Variants in MCEE observed in about 807,000 individuals in gnomAD.
MCEE encodes methylmalonyl-CoA epimerase.
A neutral mutation model predicts 12.9 loss-of-function variants in MCEE; 6 were observed. The ratio of observed to expected loss-of-function variants is 0.47; its 90% CI spans 0.26 to 0.92. The LOEUF (loss-of-function observed/expected upper bound fraction) is 0.92, where lower values mean the gene tolerates loss of function less well. Among genes scored for constraint, MCEE ranks in the 40% least tolerant of loss-of-function variants. The probability of loss-of-function intolerance (pLI) is 0.16; values close to 1 mark genes in which losing one functional copy is unlikely to be tolerated. For missense variants in MCEE, 214 were observed against 212.1 expected (o/e 1.01, Z -0.05); for synonymous variants, 78 against 77.9 (o/e 1.00, Z -0.01).
At chr2:71,123,025 G>A (rs1207880096) in intron 2 of MCEE, among the ~76,000 whole-genome samples, 1 of 152,202 alleles carries the variant, frequency 6.6e-6, no homozygotes, top group Non-Finnish European at 1.5e-5. Context: ...GCACTTGGGT[G>A]TTTAAATTTC....
rs1673175204 is a variant in MCEE at position 71,124,443 on chromosome 2, T to C, written c.141A>G (p.Arg47=). ...GCACTGCTATGGCTACATGGTTGAG[T>C]CGACCCAGGTTCCACACAGAACCTG... ...QVTGSVWNLG[R]LNHVAIAVPD... The change falls in exon 2 of 3, where the codon CGA becomes CGG. Residue 47 remains arginine, a synonymous_variant. Coordinates refer to ENST00000244217, the MANE Select transcript of MCEE (RefSeq NM_032601.4). 1.9e-6 allele frequency: 3 copies of C among 1,613,996 alleles called. No individual in the cohort carries two copies. Among genetic ancestry groups the C allele is most frequent in the Non-Finnish European group, 8.5e-7 (1 of 1,180,034 alleles).
intron 2 of MCEE, among the ~76,000 whole-genome samples, chr2:71,111,362 A>G (rs1672881870): frequency 6.6e-6 from 1 of 152,058 alleles, no homozygotes; most frequent in African/African-American, 2.4e-5. Context: ...GACATTGTCA[A>G]TTTTATCTTA....
chr2:71,109,928 G>A lies in MCEE; in HGVS notation c.*42C>T. 1 of 1,604,574 alleles carries A rather than the reference G, an allele frequency of 6.2e-7. No individual in the cohort carries two copies. Among genetic ancestry groups the A allele is most frequent in the South Asian group, 1.1e-5 (1 of 90,836 alleles). Reference sequence around the variant, plus strand: ...TAGTACATTTTGATAGTATTTGATAGGCTTTTTCAGGTCAATTAATTTAGT... The same window carrying A: ...TAGTACATTTTGATAGTATTTGATAAGCTTTTTCAGGTCAATTAATTTAGT... On this transcript the variant is annotated 3_prime_UTR_variant, in exon 3 of 3. Transcript: ENST00000244217.
chr2:71,122,040 AGG>A lies in MCEE; in HGVS notation c.378+2164_378+2165del, dbSNP rs1673110276. 2.0e-5 allele frequency among the ~76,000 whole-genome samples: 3 copies of A among 152,222 alleles called. No individual in the cohort carries two copies. In the South Asian group the frequency reaches 6.2e-4, roughly 31 times the overall value. The stretch of plus-strand genomic sequence containing the variant: ...TCCTTTCCTGTCAAATGGGGATAAT[AGG>A]GCCCTCACAGGGTAGCTATGAAAAT... On this transcript the variant is annotated intron_variant, in intron 2 of 2. Transcript: ENST00000244217.
chr2:71,115,408 A>AGGGTGAGAGACGGAGTCTTGCTCTGTTGC (rs1558744003), intron 2 of MCEE, among the ~76,000 whole-genome samples: 5 of 151,108 alleles, frequency 3.3e-5, no homozygotes, highest in African/African-American at 1.2e-4. Flanking sequence ...TGTCTAAATG[A>AGGGTGAGAGACGGAGTCTTGCTCTGTTGC]CATTGCACTA....
chr2:71,125,079 T>C (rs1225206115), intron 1 of MCEE, among the ~76,000 whole-genome samples: 1 of 149,924 alleles, frequency 6.7e-6, no homozygotes. Flanking sequence ...CTCTGCCTCC[T>C]GGGTTCAAGT....
intron 1 of MCEE, among the ~76,000 whole-genome samples, chr2:71,127,092 A>G (rs1324150179): frequency 2.0e-5 from 3 of 152,242 alleles, no homozygotes; most frequent in African/African-American, 7.2e-5. Flanking sequence ...ATAAATGCAT[A>G]AGATATTTAA....
At chr2:71,111,287 C>CT (rs1672880053) in intron 2 of MCEE, among the ~76,000 whole-genome samples, 1 of 152,154 alleles carries the variant, frequency 6.6e-6, no homozygotes, top group Non-Finnish European at 1.5e-5. Flanking sequence ...AGAACATGCA[C>CT]TAGAAGCTCG....
At position 71,124,434 on chromosome 2, in the gene MCEE, A is replaced by G. The variant is rs898781563; in HGVS notation, c.150T>C (p.His50=). Residue 50 remains histidine (H), a synonymous_variant, in exon 2 of 3, where the codon CAT becomes CAC. Transcript: ENST00000244217. The part of the protein sequence containing the change: ...GSVWNLGRLN[H]VAIAVPDLEK... Reference sequence around the variant, plus strand: ...CCAAATCTGGCACTGCTATGGCTACATGGTTGAGTCGACCCAGGTTCCACA... The same window carrying G: ...CCAAATCTGGCACTGCTATGGCTACGTGGTTGAGTCGACCCAGGTTCCACA... 6.2e-7 allele frequency: 1 copy of G among 1,614,180 alleles called. No homozygotes were observed. Among genetic ancestry groups the G allele is most frequent in the East Asian group, 2.2e-5 (1 of 44,884 alleles).
chr2:71,119,152 G>A (rs1673051648), intron 2 of MCEE, among the ~76,000 whole-genome samples: 1 of 150,428 alleles, frequency 6.6e-6, no homozygotes, highest in African/African-American at 2.5e-5. Flanking sequence ...TAAGTAGAAA[G>A]AAATACAGTC....
chr2:71,121,247 G>C (rs754254236), intron 2 of MCEE, among the ~76,000 whole-genome samples: 19 of 152,130 alleles, frequency 1.2e-4, no homozygotes, highest in Non-Finnish European at 1.5e-4. Flanking sequence ...TGATCCTAGA[G>C]CATCTCCTTA....
At chr2:71,125,207 A>ATTTTTT (rs1217307224) in intron 1 of MCEE, among the ~76,000 whole-genome samples, 604 of 46,442 alleles carry the variant, frequency 0.013, 10 homozygotes, top group Non-Finnish European at 0.026. Context: ...ATATATATAT[A>ATTTTTT]TATATTTTTT....
At chr2:71,115,219 C>T (rs991932674) in intron 2 of MCEE, among the ~76,000 whole-genome samples, 5 of 152,086 alleles carry the variant, frequency 3.3e-5, no homozygotes, top group Non-Finnish European at 5.9e-5. Flanking sequence ...AGTGAAGCCC[C>T]ATCTCTATAA....
intron 2 of MCEE, 82 bp from the exon 3 acceptor site, chr2:71,110,204 T>G: frequency 1.7e-6 from 2 of 1,191,390 alleles, no homozygotes; most frequent in East Asian, 4.8e-5. Context: ...GAAAAAACTT[T>G]GAGAGCTCAT....
rs570507775 is a variant in MCEE at position 71,115,971 on chromosome 2, AG to A, written c.379-5850del. ...AGAACTTAAAGTATTAATTTAAAAA[AG>A]GGGGGGGTTATGGTTTTTTAAAACT... On this transcript the variant is annotated intron_variant, in intron 2 of 2. Coordinates refer to ENST00000244217, the MANE Select transcript of MCEE (RefSeq NM_032601.4). 9.4e-5 allele frequency among the ~76,000 whole-genome samples: 14 copies of A among 149,640 alleles called. 1 individual carries two copies. The highest frequency in any genetic ancestry group is 1.8e-4 in the African/African-American group (7 of 39,338).
intron 2 of MCEE, among the ~76,000 whole-genome samples, chr2:71,115,795 CAT>C (rs1228859358): frequency 3.1e-5 from 3 of 96,440 alleles, no homozygotes; most frequent in African/African-American, 1.4e-4. Context: ...GGTGGGGAGT[CAT>C]ATACCGGGGC....
At chr2:71,130,071 G>A (rs1673336246) in intron 1 of MCEE, 109 bp downstream of exon 1, 5 of 1,123,718 alleles carry the variant, frequency 4.4e-6, no homozygotes, top group Middle Eastern at 1.9e-4. Context: ...GCCCCCGGGG[G>A]AGGACATTAG....
chr2:71,116,353 G>A (rs907111039), intron 2 of MCEE, among the ~76,000 whole-genome samples: 4 of 150,060 alleles, frequency 2.7e-5, no homozygotes, highest in African/African-American at 1.0e-4. Context: ...GATTACAGGC[G>A]TGAGCCACCA....
In MCEE at chr2:71,124,452, G is replaced by C. The variant is rs1421449629; in HGVS notation, c.132C>G (p.Asn44Lys). The change falls in exon 2 of 3, where the codon AAC (asparagine) becomes AAG (lysine). Residue 44 changes from asparagine (N) to lysine (K), a missense_variant. Coordinates refer to ENST00000244217, the MANE Select transcript of MCEE (RefSeq NM_032601.4). ...TGGCTACATGGTTGAGTCGACCCAG[G>C]TTCCACACAGAACCTGTCACTTGAT... ...PLDQVTGSVW[N>K]LGRLNHVAIA... The C allele has an allele frequency of 6.2e-7, 1 of 1,614,004 alleles. No individual in the cohort carries two copies. Among genetic ancestry groups the C allele is most frequent in the Non-Finnish European group, 8.5e-7 (1 of 1,180,034 alleles).
Sources: gnomAD v4.1 joint callset for allele counts (sites outside exome capture counted in the v4.1 genomes callset) on GRCh38, gnomAD v4.1.1 for gene constraint, MANE v1.5 for transcripts, NCBI Gene and HGNC (gene_info 2026-07-23, HGNC 2026-07-21) for gene names.